Variants in RRBP1 observed in about 807,000 individuals in gnomAD.
RRBP1 encodes the protein ribosome-binding protein 1.
In RRBP1, 94 loss-of-function variants were observed where a neutral mutation model predicts 165.2. That is an observed-to-expected ratio of 0.57 (90% CI 0.48 to 0.68). The LOEUF (loss-of-function observed/expected upper bound fraction) is 0.68, where lower values mean the gene tolerates loss of function less well. RRBP1 is among the 30% of genes least tolerant of loss of function. The pLI, the probability that RRBP1 is intolerant of heterozygous loss-of-function variation, is 0.00. For synonymous variants in RRBP1, 680 were observed against 714.5 expected, an observed-to-expected ratio of 0.95 and a Z score of 0.77; for missense variants, 1,676 against 1,763.0, an observed-to-expected ratio of 0.95 and a Z score of 0.88.
chr20:17,670,100 T>C lies in RRBP1; in HGVS notation c.-21-9572A>G, dbSNP rs117018746. 1.1e-3 allele frequency among the ~76,000 whole-genome samples: 162 copies of C among 152,352 alleles called. 5 individuals carry two copies. In the East Asian group the frequency reaches 0.023, roughly 22 times the overall value. On this transcript the variant is annotated intron_variant, in intron 2 of 24. Coordinates refer to ENST00000377813, the MANE Select transcript of RRBP1 (RefSeq NM_001365613.2). Reference sequence around the variant, plus strand: ...CTTTATCAGGATAAAGAGGTTGCTTTCTTATTCCTAGTTTACATAAATAGA... The same window carrying C: ...CTTTATCAGGATAAAGAGGTTGCTTCCTTATTCCTAGTTTACATAAATAGA...
chr20:17,662,360 C>A (rs1448579433), intron 2 of RRBP1, among the ~76,000 whole-genome samples: 1 of 152,072 alleles, frequency 6.6e-6, no homozygotes, highest in Non-Finnish European at 1.5e-5. Context: ...GGGTTTAAAA[C>A]ACTCATGACG....
chr20:17,629,995 C>T (rs757519382), intron 8 of RRBP1, 34 bp from the exon 9 acceptor site: 13 of 1,577,456 alleles, frequency 8.2e-6, no homozygotes, highest in Admixed American at 1.7e-5. Context: ...GCAGTGAAGA[C>T]GTGGAAGGAC....
At chr20:17,680,496 CAG>C (rs1262533854) in intron 1 of RRBP1, among the ~76,000 whole-genome samples, 1 of 152,154 alleles carries the variant, frequency 6.6e-6, no homozygotes, top group Non-Finnish European at 1.5e-5. Context: ...TCAGGTCCCT[CAG>C]AGTTTCATTT....
intron 2 of RRBP1, among the ~76,000 whole-genome samples, chr20:17,677,921 G>C (rs1487180140): frequency 6.6e-6 from 1 of 152,184 alleles, no homozygotes; most frequent in Non-Finnish European, 1.5e-5. Flanking sequence ...GGTGTAGGAA[G>C]CAATTTATGC....
chr20:17,629,775 A>G, intron 9 of RRBP1, 48 bp downstream of exon 9: 1 of 1,556,812 alleles, frequency 6.4e-7, no homozygotes, highest in Non-Finnish European at 8.7e-7. Context: ...CGGCATGCAG[A>G]CCCAGCACCC....
chr20:17,631,572 G>T (rs1274578341), intron 8 of RRBP1, among the ~76,000 whole-genome samples: 1 of 152,266 alleles, frequency 6.6e-6, no homozygotes, highest in African/African-American at 2.4e-5. Context: ...AATTTCAGAA[G>T]CGGGTCCCGT....
At chr20:17,679,458 A>T (rs1450250928) in intron 2 of RRBP1, among the ~76,000 whole-genome samples, 1 of 152,236 alleles carries the variant, frequency 6.6e-6, no homozygotes, top group African/African-American at 2.4e-5. Flanking sequence ...AGATTTTAGC[A>T]AAGAAAAACT....
rs764499093 is a variant in RRBP1 at position 17,625,536 on chromosome 20, G to C, written c.3030C>G (p.Val1010=). 5 of 1,613,692 alleles carry C rather than the reference G, an allele frequency of 3.1e-6. No homozygotes were observed. The highest frequency in any genetic ancestry group is 3.4e-6 in the Non-Finnish European group (4 of 1,179,900). Residue 1010 remains valine, a synonymous_variant, in exon 12 of 25, where the codon GTC becomes GTG. Coordinates refer to ENST00000377813, the MANE Select transcript of RRBP1 (RefSeq NM_001365613.2). ...EKEAIELREA[V]EQQKVKNNDL... ...CATTGTTCTTCACTTTCTGCTGCTC[G>C]ACGGCCTCCCTGAGCTCGATGGCCT...
chr20:17,654,344 C>T (rs2036610472), intron 3 of RRBP1, among the ~76,000 whole-genome samples: 1 of 152,186 alleles, frequency 6.6e-6, no homozygotes, highest in Admixed American at 6.5e-5. Flanking sequence ...ATGCTGCTCC[C>T]CCAGTGAGAA....
chr20:17,620,331 T>C lies in RRBP1; in HGVS notation c.3547A>G (p.Lys1183Glu). The change falls in exon 18 of 25, where the codon AAG (lysine) becomes GAG (glutamate). Residue 1183 changes from lysine (K) to glutamate (E), a missense_variant. This residue lies in a region of RRBP1 where 1,184 missense variants were observed against 1,167.1 expected (regional missense o/e 1.01). Coordinates refer to ENST00000377813, the MANE Select transcript of RRBP1 (RefSeq NM_001365613.2). ...TVKHLEEIVE[K>E]LKGELESSDQ... ...GAACTTTCAAGTTCTCCTTTTAGCT[T>C]CTCTACAATCTCTTCGAGATGCTTC... 3 of 1,613,698 alleles carry C rather than the reference T, an allele frequency of 1.9e-6. No homozygotes were observed. Among genetic ancestry groups the C allele is most frequent in the Non-Finnish European group, 2.5e-6 (3 of 1,179,866 alleles).
chr20:17,674,491 C>T (rs2037037098), intron 2 of RRBP1, among the ~76,000 whole-genome samples: 1 of 151,936 alleles, frequency 6.6e-6, no homozygotes, highest in Admixed American at 6.6e-5. Context: ...CGGCCAGGCT[C>T]GGTGGCTCAA....
In RRBP1 at chr20:17,658,913, C is replaced by T. The variant is rs1360705547; in HGVS notation, c.1595G>A (p.Arg532Lys). Reference protein sequence around the residue: ...TEGAQGKKAERSPNQGKKGEG... With the variant: ...TEGAQGKKAEKSPNQGKKGEG... Reference sequence around the variant, plus strand: ...TCCTTTTTTGCCTTGGTTGGGACTCCTTTCTGCCTTTTTGCCCTGAGCCCC... The same window carrying T: ...TCCTTTTTTGCCTTGGTTGGGACTCTTTTCTGCCTTTTTGCCCTGAGCCCC... Residue 532 changes from arginine (R) to lysine (K), a missense_variant, in exon 3 of 25, where the codon AGG becomes AAG. Arg to Lys is a conservative substitution (Grantham distance 26). Around this residue, in one of 5 missense-constraint regions of RRBP1, gnomAD observed 1,184 missense variants for 1,167.1 expected, o/e 1.01. Coordinates refer to ENST00000377813, the MANE Select transcript of RRBP1 (RefSeq NM_001365613.2). 2 of 1,613,168 alleles carry T rather than the reference C, an allele frequency of 1.2e-6. No individual in the cohort carries two copies. Among genetic ancestry groups the T allele is most frequent in the Non-Finnish European group, 1.7e-6 (2 of 1,179,898 alleles).
At position 17,660,251 on chromosome 20, in the gene RRBP1, T is replaced by C. The variant is rs1239254131; in HGVS notation, c.257A>G (p.His86Arg). The C allele has an allele frequency of 2.5e-6, 4 of 1,611,096 alleles. No homozygotes were observed. Among genetic ancestry groups the C allele is most frequent in the South Asian group, 2.2e-5 (2 of 90,644 alleles). The change falls in exon 3 of 25, where the codon CAT (histidine) becomes CGT (arginine). Residue 86 changes from histidine (H) to arginine (R), a missense_variant. His to Arg is a conservative substitution (Grantham distance 29, BLOSUM62 0). This residue lies in a region of RRBP1 where 392 missense variants were observed against 382.5 expected (regional missense o/e 1.02). Transcript: ENST00000377813. The stretch of plus-strand genomic sequence containing the variant: ...GACAGTCACATTGGGGGCTGGATCA[T>C]GATCAGGTATCTTCCCATTAGGTTT... ...EEKPNGKIPD[H>R]DPAPNVTVLL...
rs1309009787 is a variant in RRBP1 at position 17,660,082 on chromosome 20, C to G, written c.426G>C (p.Lys142Asn). 6.2e-7 allele frequency: 1 copy of G among 1,613,684 alleles called. No homozygotes were observed. Residue 142 changes from lysine (K) to asparagine (N), a missense_variant, in exon 3 of 25, where the codon AAG becomes AAC. Lys to Asn is a moderately conservative substitution (Grantham distance 94). Coordinates refer to ENST00000377813, the MANE Select transcript of RRBP1 (RefSeq NM_001365613.2). ...GTTCCACTTTTGCCACTTTTTTCTC[C>G]TTCTTCTTTTTGTCCTTGGGGGAGG... ...LASSPKDKKKKEKKVAKVEPA... is the reference protein window; with the variant it reads ...LASSPKDKKKNEKKVAKVEPA...
At chr20:17,626,007 G>A (rs1391184461) in intron 11 of RRBP1, among the ~76,000 whole-genome samples, 1 of 152,158 alleles carries the variant, frequency 6.6e-6, no homozygotes, top group South Asian at 2.1e-4. Context: ...CGAGGAAGAG[G>A]TGTCAGCAGG....
chr20:17,664,257 C>G (rs1386378810), intron 2 of RRBP1, among the ~76,000 whole-genome samples: 2 of 152,202 alleles, frequency 1.3e-5, no homozygotes, highest in Non-Finnish European at 2.9e-5. Flanking sequence ...GCAGGTAACA[C>G]AGACGGCGTG....
intron 13 of RRBP1, among the ~76,000 whole-genome samples, chr20:17,622,396 A>G (rs1441958215): frequency 6.6e-6 from 1 of 152,066 alleles, no homozygotes; most frequent in Non-Finnish European, 1.5e-5. Context: ...TAGAGCTGTG[A>G]TGGGGATGGG....
At chr20:17,629,717 C>G in intron 9 of RRBP1, 106 bp downstream of exon 9, 1 of 1,219,922 alleles carries the variant, frequency 8.2e-7, no homozygotes, top group Non-Finnish European at 1.1e-6. Context: ...CTGCCCTCAC[C>G]CAACAGGCCT....
chr20:17,664,515 C>A (rs747428798), intron 2 of RRBP1, among the ~76,000 whole-genome samples: 27 of 152,198 alleles, frequency 1.8e-4, no homozygotes, highest in Admixed American at 8.5e-4. Context: ...TAGGAGGCTG[C>A]GCAGAGGCTG....
Sources: gnomAD v4.1 joint callset for allele counts (sites outside exome capture counted in the v4.1 genomes callset) on GRCh38, gnomAD v4.1.1 for gene constraint, gnomAD v4.1.1 regional missense constraint, MANE v1.5 for transcripts, NCBI Gene and HGNC (gene_info 2026-07-23, HGNC 2026-07-21) for gene names.